AK5: variants seen among roughly 807,000 people sequenced by gnomAD.
The protein encoded by AK5 is adenylate kinase isoenzyme 5.
AK5 carries 27 observed loss-of-function variants against 69.5 expected under a neutral mutation model. The ratio of observed to expected loss-of-function variants is 0.39; its 90% CI spans 0.29 to 0.54. The LOEUF is 0.54. Among genes scored for constraint, AK5 ranks in the 20% least tolerant of loss-of-function variants. AK5 has a pLI of 0.71. For synonymous variants in AK5, 260 were observed against 244.4 expected, an observed-to-expected ratio of 1.06 and a Z score of -0.60; for missense variants, 531 against 700.4, an observed-to-expected ratio of 0.76 and a Z score of 2.73.
intron 6 of AK5, among the ~76,000 whole-genome samples, chr1:77,393,124 A>G (rs1648597687): frequency 6.6e-6 from 1 of 151,932 alleles, no homozygotes; most frequent in African/African-American, 2.4e-5. Flanking sequence ...TAATTAATTT[A>G]TTTTTTGTAC....
intron 6 of AK5, among the ~76,000 whole-genome samples, chr1:77,367,774 TATATA>T (rs1315840703): frequency 2.5e-5 from 1 of 39,350 alleles, no homozygotes; most frequent in African/African-American, 9.8e-5. Context: ...ATATATGTTA[TATATA>T]ATATATGTTA....
intron 8 of AK5, among the ~76,000 whole-genome samples, chr1:77,427,849 A>C (rs1252705769): frequency 6.6e-6 from 1 of 152,268 alleles, no homozygotes; most frequent in Non-Finnish European, 1.5e-5. Flanking sequence ...TTATACATAG[A>C]AGCCCAAGCT....
intron 8 of AK5, among the ~76,000 whole-genome samples, chr1:77,474,335 G>A (rs138258133): frequency 2.6e-4 from 39 of 152,174 alleles, no homozygotes; most frequent in Non-Finnish European, 5.0e-4. Context: ...TCCCAACTCC[G>A]ACCTGGATAT....
rs369967441 is a variant in AK5, at chr1:77,521,935, G to A, written c.1420G>A (p.Gly474Arg). The A allele has an allele frequency of 1.9e-4, 298 of 1,606,590 alleles. No homozygotes were observed. The highest frequency in any genetic ancestry group is 2.8e-4 in the South Asian group (25 of 89,972). ...PREVKQGEEF[G>R]RRIGDPQLVI... ...GGAGGTGAAGCAAGGGGAAGAGTTC[G>A]GACGCAGGGTGAGTGGTTGTTACGG... Residue 474 changes from glycine to arginine, a missense_variant, in exon 12 of 14, where the codon GGA (glycine) becomes AGA (arginine). Physicochemically the swap from Gly to Arg is moderately radical, Grantham distance 125. Transcript: ENST00000354567.
intron 5 of AK5, among the ~76,000 whole-genome samples, chr1:77,308,958 G>A (rs1185906027): frequency 6.6e-6 from 1 of 151,370 alleles, no homozygotes; most frequent in Non-Finnish European, 1.5e-5. Flanking sequence ...GACAGAGTGA[G>A]ACACTGTCTT....
At chr1:77,531,928 G>GCGAGAAAT (rs1195620500) in intron 12 of AK5, among the ~76,000 whole-genome samples, 6 of 151,780 alleles carry the variant, frequency 4.0e-5, no homozygotes, top group African/African-American at 1.2e-4. Context: ...CTAAGGCCCG[G>GCGAGAAAT]CGAGAAATCG....
At chr1:77,544,440 A>G (rs1020919340) in intron 13 of AK5, among the ~76,000 whole-genome samples, 8 of 152,334 alleles carry the variant, frequency 5.3e-5, no homozygotes, top group African/African-American at 1.9e-4. Flanking sequence ...ACCGTTTCAT[A>G]GAACTTAGTT....
In AK5 at chr1:77,559,582, A is replaced by G. The variant is rs1660331686; in HGVS notation, c.*912A>G. 6.6e-6 allele frequency: 1 copy of G among 152,160 alleles called. No homozygotes were observed. The highest frequency in any genetic ancestry group is 1.5e-5 in the Non-Finnish European group (1 of 68,022). The allele number at this position is 152,160 out of a possible 1,614,324, so 9.4% of individuals were successfully genotyped here. On this transcript the variant is annotated 3_prime_UTR_variant, in exon 14 of 14. Transcript: ENST00000354567. Reference sequence around the variant, plus strand: ...TGCCAAGCAAGTAAAAAAATACCCTAACAAACCTGATGTGGGTGGGAGGGG... The same window carrying G: ...TGCCAAGCAAGTAAAAAAATACCCTGACAAACCTGATGTGGGTGGGAGGGG...
In AK5 at chr1:77,310,382, T is replaced by A. The variant is rs376410032; in HGVS notation, c.699+12435T>A. 6.3e-3 allele frequency among the ~76,000 whole-genome samples: 961 copies of A among 152,158 alleles called. 17 individuals carry two copies. Among genetic ancestry groups the A allele is most frequent in the African/African-American group, 0.022 (894 of 41,448 alleles). On this transcript the variant is annotated intron_variant, in intron 5 of 13. Coordinates refer to ENST00000354567, the MANE Select transcript of AK5 (RefSeq NM_174858.3). ...CCACCCCTTCTGTTTTTTTGGTTTT[T>A]ATTTTTTTTTCTTTTGAGACAGAGT...
chr1:77,492,804 G>C (rs1203718162), intron 10 of AK5, among the ~76,000 whole-genome samples: 1 of 152,172 alleles, frequency 6.6e-6, no homozygotes, highest in African/African-American at 2.4e-5. Flanking sequence ...AGGTCCCAAA[G>C]CAGGGGGCTG....
chr1:77,379,528 C>T (rs1647477772), intron 6 of AK5, among the ~76,000 whole-genome samples: 1 of 152,110 alleles, frequency 6.6e-6, no homozygotes, highest in Non-Finnish European at 1.5e-5. Flanking sequence ...CCCAGGTAAC[C>T]TTCATGGTGG....
At chr1:77,388,860 C>A (rs751650383) in intron 6 of AK5, among the ~76,000 whole-genome samples, 1 of 152,102 alleles carries the variant, frequency 6.6e-6, no homozygotes, top group East Asian at 1.9e-4. Context: ...GGAAGGGCTG[C>A]TGTTGCAATG....
Position 77,486,338 on chromosome 1 carries a change from T to C in AK5, c.1133T>C (p.Ile378Thr). The change falls in exon 10 of 14, where the codon ATT becomes ACT. Residue 378 changes from isoleucine to threonine, a missense_variant. Ile to Thr is a moderately conservative substitution (Grantham distance 89, BLOSUM62 -1). Coordinates refer to ENST00000354567, the MANE Select transcript of AK5 (RefSeq NM_174858.3). ...ATGGAAGATTTGAGAAAGTGTAAAA[T>C]TATTTTCATAATTGGTGAGTAACAG... is the stretch of plus-strand genomic sequence containing the variant. Reference protein sequence around the residue: ...GFMEDLRKCKIIFIIGGPGSG... With the variant: ...GFMEDLRKCKTIFIIGGPGSG... 1.3e-6 allele frequency: 2 copies of C among 1,580,506 alleles called. No homozygotes were observed. The highest frequency in any genetic ancestry group is 1.7e-6 in the Non-Finnish European group (2 of 1,152,712).
intron 5 of AK5, among the ~76,000 whole-genome samples, chr1:77,333,302 C>T (rs1661183688): frequency 6.6e-6 from 1 of 152,172 alleles, no homozygotes; most frequent in Admixed American, 6.5e-5. Flanking sequence ...GGCACACATG[C>T]ACAGGAGAAC....
intron 9 of AK5, among the ~76,000 whole-genome samples, chr1:77,484,651 G>C (rs1191073275): frequency 6.6e-6 from 1 of 152,094 alleles, no homozygotes; most frequent in Non-Finnish European, 1.5e-5. Context: ...TTTTATTCTA[G>C]TTATAAAATT....
At chr1:77,417,010 T>A (rs1173798479) in intron 7 of AK5, among the ~76,000 whole-genome samples, 1 of 152,150 alleles carries the variant, frequency 6.6e-6, no homozygotes, top group Non-Finnish European at 1.5e-5. Context: ...AATGGGTAAC[T>A]GATTTAATGA....
At chr1:77,545,259 T>C (rs1235258236) in intron 13 of AK5, among the ~76,000 whole-genome samples, 1 of 152,104 alleles carries the variant, frequency 6.6e-6, no homozygotes, top group Admixed American at 6.6e-5. Context: ...CTTTCTTTTC[T>C]TCTTTCCTCC....
At chr1:77,493,612 C>T (rs142582487) in intron 10 of AK5, among the ~76,000 whole-genome samples, 26 of 152,274 alleles carry the variant, frequency 1.7e-4, no homozygotes, top group African/African-American at 6.0e-4. Context: ...TTTGGCCTGG[C>T]CCAACTGGAG....
At chr1:77,401,610 C>G (rs1649220827) in intron 6 of AK5, among the ~76,000 whole-genome samples, 1 of 152,144 alleles carries the variant, frequency 6.6e-6, no homozygotes, top group Non-Finnish European at 1.5e-5. Context: ...CCTTTTCAGT[C>G]CATTTAGGGT....
Sources: allele counts gnomAD v4.1 joint callset (sites outside exome capture counted in the v4.1 genomes callset), GRCh38; gene constraint gnomAD v4.1.1; transcripts MANE v1.5; gene names NCBI Gene and HGNC (gene_info 2026-07-23, HGNC 2026-07-21).